Variants in DGLUCY observed in about 807,000 individuals in gnomAD.
The protein encoded by DGLUCY is D-glutamate cyclase, mitochondrial.
DGLUCY carries 58 observed loss-of-function variants against 58.5 expected under a neutral mutation model. The ratio of observed to expected loss-of-function variants is 0.99; its 90% confidence interval spans 0.80 to 1.23. The LOEUF (loss-of-function observed/expected upper bound fraction) is 1.23. Ranked by LOEUF, DGLUCY falls within the 50% of genes most tolerant of loss-of-function variation. The probability of loss-of-function intolerance (pLI) is 0.00; values close to 1 mark genes in which losing one functional copy is unlikely to be tolerated. For missense variants in DGLUCY, 779 were observed against 784.7 expected (o/e 0.99, Z 0.09); for synonymous variants, 325 against 314.1 (o/e 1.03, Z -0.37).
At chr14:91,176,103 C>A in intron 7 of DGLUCY, 47 bp downstream of exon 7, 1 of 1,594,298 alleles carries the variant, frequency 6.3e-7, no homozygotes, top group Non-Finnish European at 8.6e-7. Flanking sequence ...AGGATGGAGC[C>A]CAGTGGGGTC....
At chr14:91,124,004 T>C (rs1165693833) in intron 1 of DGLUCY, among the ~76,000 whole-genome samples, 1 of 151,444 alleles carries the variant, frequency 6.6e-6, no homozygotes, top group African/African-American at 2.4e-5. Flanking sequence ...CTTGGCTTAC[T>C]GCAACCTCTG....
chr14:91,169,670 A>G (rs1284432087), intron 4 of DGLUCY, among the ~76,000 whole-genome samples: 2 of 148,666 alleles, frequency 1.3e-5, no homozygotes, highest in African/African-American at 2.5e-5. Flanking sequence ...TCGGCCTCCC[A>G]AAGTGCTGGG....
At chr14:91,175,069 G>C (rs139098874) in intron 6 of DGLUCY, among the ~76,000 whole-genome samples, 306 of 152,306 alleles carry the variant, frequency 2.0e-3, no homozygotes, top group African/African-American at 6.5e-3. Context: ...TCTGGGGTTG[G>C]AGGAAGCCAA....
At chr14:91,067,749 C>T (rs908857503) in intron 1 of DGLUCY, among the ~76,000 whole-genome samples, 1 of 152,022 alleles carries the variant, frequency 6.6e-6, no homozygotes, top group African/African-American at 2.4e-5. Context: ...GGGATTTCAC[C>T]TTGTTGCCCA....
In DGLUCY at chr14:91,181,347, C is replaced by T; in HGVS notation, c.892C>T (p.Gln298Ter). 1 of 1,614,062 alleles carries T rather than the reference C, an allele frequency of 6.2e-7. No individual in the cohort carries two copies. The highest frequency in any genetic ancestry group is 8.5e-7 in the Non-Finnish European group (1 of 1,180,016). Residue 298 changes from glutamine (Q) to a stop codon, truncating the protein, a stop_gained, in exon 8 of 14, where the codon CAG becomes TAG. Transcript: ENST00000256324. LOFTEE classifies it high-confidence loss of function. ...HYSIASVSASQKIRELESMIG... is the reference protein window; with the variant it reads ...HYSIASVSAS The stretch of plus-strand genomic sequence containing the variant: ...CAGCATCGCGTCAGTCTCTGCTTCT[C>T]AGAAGATCAGAGAACTAGAGTCTAT...
rs150619615 is a variant in DGLUCY, at chr14:91,192,667, G to A, written c.1195+3497G>A. Among the ~76,000 whole-genome samples, 699 of 152,218 alleles carry A rather than the reference G, an allele frequency of 4.6e-3. 5 individuals are homozygous for A. Among genetic ancestry groups the A allele is most frequent in the African/African-American group, 0.016 (676 of 41,526 alleles). Reference sequence around the variant, plus strand: ...ATACAAAAATTAGCCAGGCGTGGTGGCTGGTGCACACCTGTAATCCCAGCT... The same window carrying A: ...ATACAAAAATTAGCCAGGCGTGGTGACTGGTGCACACCTGTAATCCCAGCT... On this transcript the variant is annotated intron_variant, in intron 9 of 13. Coordinates refer to ENST00000256324, the MANE Select transcript of DGLUCY (RefSeq NM_001102368.3).
chr14:91,147,571 A>C (rs1282343791), intron 1 of DGLUCY, among the ~76,000 whole-genome samples: 1 of 152,196 alleles, frequency 6.6e-6, no homozygotes, highest in African/African-American at 2.4e-5. Context: ...ACCTAGGCAG[A>C]GCTTAGCTCA....
At chr14:91,142,393 CCA>C (rs2046750154) in intron 1 of DGLUCY, among the ~76,000 whole-genome samples, 1 of 152,116 alleles carries the variant, frequency 6.6e-6, no homozygotes, top group African/African-American at 2.4e-5. Context: ...TGCACGGCTT[CCA>C]TTAGAAAGAT....
At chr14:91,133,765 A>G (rs1260909619) in intron 1 of DGLUCY, among the ~76,000 whole-genome samples, 1 of 152,196 alleles carries the variant, frequency 6.6e-6, no homozygotes, top group Non-Finnish European at 1.5e-5. Context: ...CCAGCAATGT[A>G]CAAGGGTTCC....
In DGLUCY at chr14:91,188,911, G is replaced by A; in HGVS notation, c.936G>A (p.Gly312=). The change falls in exon 9 of 14, where the codon GGG becomes GGA. Residue 312 remains glycine, a splice_region_variant and synonymous_variant. Coordinates refer to ENST00000256324, the MANE Select transcript of DGLUCY (RefSeq NM_001102368.3). ...TACATTCTATTTTTGTCATTTCAGG[G>A]AACCGGGGGATTGGGCACCTGCTCT... ...ELESMIGIDP[G]NRGIGHLLCK... 1 of 1,612,534 alleles carries A rather than the reference G, an allele frequency of 6.2e-7. No homozygotes were observed.
At chr14:91,098,697 C>T (rs908539821) in intron 1 of DGLUCY, among the ~76,000 whole-genome samples, 1 of 152,000 alleles carries the variant, frequency 6.6e-6, no homozygotes, top group African/African-American at 2.4e-5. Context: ...TGTCCTCTTG[C>T]CAAAAAGATG....
At chr14:91,097,561 C>A (rs576576406) in intron 1 of DGLUCY, among the ~76,000 whole-genome samples, 70 of 152,260 alleles carry the variant, frequency 4.6e-4, no homozygotes, top group African/African-American at 1.7e-3. Flanking sequence ...ATGTTTCCCT[C>A]CAAAAACAGT....
At chr14:91,122,243 C>A (rs2045413910) in intron 1 of DGLUCY, among the ~76,000 whole-genome samples, 2 of 151,888 alleles carry the variant, frequency 1.3e-5, no homozygotes, top group Non-Finnish European at 2.9e-5. Flanking sequence ...CAGCTCACTT[C>A]AGCCTTGACC....
intron 1 of DGLUCY, among the ~76,000 whole-genome samples, chr14:91,127,507 C>G (rs921840510): frequency 6.6e-6 from 1 of 152,280 alleles, no homozygotes; most frequent in Non-Finnish European, 1.5e-5. Flanking sequence ...GCCTTCTGGC[C>G]TCTGCCCCAA....
At chr14:91,190,223 G>A (rs908127328) in intron 9 of DGLUCY, among the ~76,000 whole-genome samples, 5 of 151,800 alleles carry the variant, frequency 3.3e-5, no homozygotes, top group South Asian at 2.1e-4. Context: ...TCCTGACCTC[G>A]TGATCCGCCC....
At chr14:91,181,713 G>T (rs1434515976) in intron 8 of DGLUCY, among the ~76,000 whole-genome samples, 5 of 129,548 alleles carry the variant, frequency 3.9e-5, no homozygotes, top group African/African-American at 1.2e-4. Context: ...TTACTCTATT[G>T]CCCAGGCTGG....
intron 9 of DGLUCY, among the ~76,000 whole-genome samples, chr14:91,191,660 C>T (rs961952064): frequency 6.6e-6 from 1 of 152,142 alleles, no homozygotes; most frequent in Non-Finnish European, 1.5e-5. Flanking sequence ...TTCAAAGAAA[C>T]CCAAAGAGAC....
In DGLUCY at chr14:91,069,368, C is replaced by T. The variant is rs539472902; in HGVS notation, c.-82+8664C>T. Among the ~76,000 whole-genome samples the T allele has an allele frequency of 2.1e-4, 32 of 152,008 alleles. No homozygotes were observed. In the South Asian group the frequency reaches 4.2e-3, roughly 20 times the overall value. On this transcript the variant is annotated intron_variant, in intron 1 of 4. Transcript: ENST00000521334. ...TCAGCTCACTGCAACCTCCACCTTC[C>T]GGGTTCAAGCGATTCTCCTGCCTCA...
At chr14:91,193,161 G>A (rs2050004034) in intron 9 of DGLUCY, among the ~76,000 whole-genome samples, 1 of 152,234 alleles carries the variant, frequency 6.6e-6, no homozygotes, top group South Asian at 2.1e-4. Flanking sequence ...AGAAGGAGCA[G>A]CGCTGAGGCC....
Sources: allele counts gnomAD v4.1 joint callset (sites outside exome capture counted in the v4.1 genomes callset), GRCh38; gene constraint gnomAD v4.1.1; transcripts MANE v1.5; gene names NCBI Gene and HGNC (gene_info 2026-07-23, HGNC 2026-07-21).